FHL5: variants seen among roughly 807,000 people sequenced by gnomAD.
FHL5 encodes four and a half LIM domains 5.
A neutral mutation model predicts 32.0 loss-of-function variants in FHL5; 33 were observed. That is an observed-to-expected ratio of 1.03 (90% confidence interval 0.78 to 1.38). The LOEUF (loss-of-function observed/expected upper bound fraction) is 1.38, where lower values mean the gene tolerates loss of function less well. Among genes scored for constraint, FHL5 ranks in the 40% most tolerant of loss-of-function variants. FHL5 has a pLI of 0.00. For synonymous variants in FHL5, 114 were observed against 113.6 expected (o/e 1.00, Z -0.02); for missense variants, 336 against 343.9 (o/e 0.98, Z 0.18).
At chr6:96,610,189 G>A in intron 4 of FHL5, among the ~76,000 whole-genome samples, 1 of 152,148 alleles carries the variant, frequency 6.6e-6, no homozygotes, top group East Asian at 1.9e-4. Flanking sequence ...ATTCAGAGAA[G>A]TATGAGGAAG....
At chr6:96,567,825 C>CTATT (rs1770391509) in intron 1 of FHL5, among the ~76,000 whole-genome samples, 1 of 110,518 alleles carries the variant, frequency 9.0e-6, no homozygotes, top group South Asian at 2.9e-4. Context: ...TTTTTGTATT[C>CTATT]TTTTTTTTTT....
intron 2 of FHL5, among the ~76,000 whole-genome samples, chr6:96,604,541 A>C (rs1409342760): frequency 2.6e-5 from 4 of 152,022 alleles, no homozygotes; most frequent in Non-Finnish European, 5.9e-5. Flanking sequence ...CAGCTGCCTT[A>C]AGTGACCCAC....
intron 1 of FHL5, among the ~76,000 whole-genome samples, chr6:96,578,270 A>G (rs2127961784): frequency 6.6e-6 from 1 of 152,316 alleles, no homozygotes; most frequent in African/African-American, 2.4e-5. Context: ...TTTGATTTAT[A>G]GTAAACTATT....
chr6:96,589,850 G>A (rs1450695893), intron 1 of FHL5, among the ~76,000 whole-genome samples: 1 of 151,986 alleles, frequency 6.6e-6, no homozygotes, highest in Non-Finnish European at 1.5e-5. Flanking sequence ...TATATGTCAT[G>A]TGAAGTAGTA....
chr6:96,593,122 T>G (rs1014494853), intron 1 of FHL5, among the ~76,000 whole-genome samples: 1 of 152,162 alleles, frequency 6.6e-6, no homozygotes, highest in African/African-American at 2.4e-5. Context: ...TTTCTAAAAT[T>G]TCCCATTATG....
intron 1 of FHL5, among the ~76,000 whole-genome samples, chr6:96,594,546 G>A (rs1269484697): frequency 1.3e-5 from 2 of 151,828 alleles, no homozygotes; most frequent in Admixed American, 6.6e-5. Flanking sequence ...ATCTTTGGTT[G>A]AAGCTGACAA....
At chr6:96,595,726 T>C (rs1194660389) in intron 1 of FHL5, among the ~76,000 whole-genome samples, 3 of 151,972 alleles carry the variant, frequency 2.0e-5, no homozygotes, top group Non-Finnish European at 2.9e-5. Flanking sequence ...TTTAATCTGT[T>C]TTAATTTTAA....
At chr6:96,606,933 A>C (rs574221241) in intron 4 of FHL5, among the ~76,000 whole-genome samples, 22 of 152,232 alleles carry the variant, frequency 1.4e-4, no homozygotes, top group Non-Finnish European at 2.1e-4. Context: ...TCATGGGGGA[A>C]GTTCAGTAGA....
At chr6:96,610,541 T>C (rs1052599469) in intron 4 of FHL5, 31 bp from the exon 5 acceptor site, 4 of 1,554,952 alleles carry the variant, frequency 2.6e-6, no homozygotes, top group Non-Finnish European at 2.7e-6. Context: ...ATGGCTCCCA[T>C]GGTCATTGCC....
chr6:96,582,380 G>A (rs117076933), intron 1 of FHL5, among the ~76,000 whole-genome samples: 609 of 151,998 alleles, frequency 4.0e-3, no homozygotes, highest in Non-Finnish European at 7.0e-3. Flanking sequence ...TTAAACCTAC[G>A]TATTTTTTAA....
intron 1 of FHL5, among the ~76,000 whole-genome samples, chr6:96,600,996 C>T (rs1252481331): frequency 6.6e-6 from 1 of 152,206 alleles, no homozygotes; most frequent in African/African-American, 2.4e-5. Flanking sequence ...CTACCCAACT[C>T]CCTGATGTTG....
At position 96,612,349 on chromosome 6, in the gene FHL5, T is replaced by C. The variant is rs79331189; in HGVS notation, c.691+1591T>C. ...TCCATTTATTTTATAACAACACTTATCTTGAATTGGGACAGAAAAAAAAAG... is the reference window on the plus strand; with the variant it reads ...TCCATTTATTTTATAACAACACTTACCTTGAATTGGGACAGAAAAAAAAAG... On this transcript the variant is annotated intron_variant, in intron 5 of 5. Transcript: ENST00000450218. Among the ~76,000 whole-genome samples, 120 of 152,184 alleles carry C rather than the reference T, an allele frequency of 7.9e-4. No homozygotes were observed. In the East Asian group the frequency reaches 0.022, roughly 28 times the overall value.
chr6:96,571,751 A>T (rs1770483610), intron 1 of FHL5, among the ~76,000 whole-genome samples: 1 of 152,054 alleles, frequency 6.6e-6, no homozygotes, highest in Non-Finnish European at 1.5e-5. Flanking sequence ...TGGCCTTGGG[A>T]GCAGGGTATG....
At chr6:96,611,355 T>C (rs1257659621) in intron 5 of FHL5, among the ~76,000 whole-genome samples, 2 of 151,966 alleles carry the variant, frequency 1.3e-5, no homozygotes, top group East Asian at 3.9e-4. Flanking sequence ...GAAAACAAGA[T>C]AGCATTTTAC....
At chr6:96,562,919 T>G (rs183543806), upstream of FHL5, among the ~76,000 whole-genome samples, 1 of 152,328 alleles carries the variant, frequency 6.6e-6, no homozygotes, top group East Asian at 1.9e-4. Flanking sequence ...AGTATTATTT[T>G]TATAAATATG....
intron 1 of FHL5, among the ~76,000 whole-genome samples, chr6:96,564,159 C>T (rs1319130479): frequency 6.6e-6 from 1 of 152,106 alleles, no homozygotes. Context: ...GAATTATTAA[C>T]AAAATGCATA....
intron 5 of FHL5, among the ~76,000 whole-genome samples, chr6:96,612,854 T>A (rs1771441477): frequency 6.6e-6 from 1 of 152,176 alleles, no homozygotes; most frequent in Non-Finnish European, 1.5e-5. Flanking sequence ...GGCCCTGAAG[T>A]ACTGCTTCTT....
At chr6:96,602,425 T>C (rs144606443) in intron 1 of FHL5, among the ~76,000 whole-genome samples, 3,494 of 115,236 alleles carry the variant, frequency 0.03, 250 homozygotes, top group African/African-American at 0.11. Context: ...ATGCGTTGTT[T>C]CTTTTTTTTT....
At chr6:96,587,635 A>G (rs1213926149) in intron 1 of FHL5, among the ~76,000 whole-genome samples, 1 of 152,218 alleles carries the variant, frequency 6.6e-6, no homozygotes, top group Non-Finnish European at 1.5e-5. Context: ...TTAACAAAGA[A>G]AACATCCCCT....
Sources: gnomAD v4.1 joint callset for allele counts (sites outside exome capture counted in the v4.1 genomes callset) on GRCh38, gnomAD v4.1.1 for gene constraint, MANE v1.5 for transcripts, NCBI Gene and HGNC (gene_info 2026-07-23, HGNC 2026-07-21) for gene names.